Variants in ASMT observed in about 807,000 individuals in gnomAD.
The protein encoded by ASMT is acetylserotonin N-methyltransferase.
A neutral mutation model predicts 41.3 loss-of-function variants in ASMT; 53 were observed. That is an observed-to-expected ratio of 1.28 (90% CI 1.03 to 1.61). The LOEUF (loss-of-function observed/expected upper bound fraction) is 1.61. ASMT is among the 40% of genes most tolerant of loss of function. The pLI, the probability that ASMT is intolerant of heterozygous loss-of-function variation, is 0.00. For synonymous variants in ASMT, 231 were observed against 184.8 expected (o/e 1.25, Z -2.03); for missense variants, 531 against 441.3 (o/e 1.20, Z -1.82).
chrX:1,616,415 A>G (rs184810787), intron 1 of ASMT, among the ~76,000 whole-genome samples: 17,422 of 151,194 alleles, frequency 0.12, 1,453 homozygotes, highest in Middle Eastern at 0.18. Context: ...TTCGAGGTGG[A>G]AAGTGGACTG....
intron 3 of ASMT, 70 bp from the exon 4 acceptor site, chrX:1,627,633 C>CGAAACGAAAT (rs1934602242): frequency 1.7e-6 from 2 of 1,199,432 alleles, no homozygotes; most frequent in South Asian, 1.2e-5. Context: ...CGAAATGAAA[C>CGAAACGAAAT]GAAATGAAAT....
intron 2 of ASMT, among the ~76,000 whole-genome samples, chrX:1,623,988 C>T (rs1427714842): frequency 3.9e-5 from 6 of 152,186 alleles, no homozygotes; most frequent in South Asian, 4.1e-4. Flanking sequence ...ATGTAACGTA[C>T]GTTTCCTCTC....
At chrX:1,628,229 G>C (rs1402642483) in intron 4 of ASMT, among the ~76,000 whole-genome samples, 1 of 152,218 alleles carries the variant, frequency 6.6e-6, no homozygotes, top group Non-Finnish European at 1.5e-5. Flanking sequence ...GCTGAGGCAG[G>C]AGAACTGCTT....
chrX:1,617,761 G>A (rs776196094), intron 1 of ASMT, among the ~76,000 whole-genome samples: 82 of 151,684 alleles, frequency 5.4e-4, no homozygotes, highest in Admixed American at 1.4e-3. Flanking sequence ...GAGTACAGGC[G>A]CGTTCCAACA....
intron 1 of ASMT, among the ~76,000 whole-genome samples, chrX:1,620,072 G>A (rs1305272497): frequency 6.7e-6 from 1 of 150,000 alleles, no homozygotes; most frequent in Non-Finnish European, 1.5e-5. Context: ...CAGCCTGGGT[G>A]ACAGAGCCAG....
At chrX:1,627,793 C>T (rs781261251) in intron 4 of ASMT, 22 bp downstream of exon 4, 3 of 1,608,512 alleles carry the variant, frequency 1.9e-6, no homozygotes, top group East Asian at 2.2e-5. Flanking sequence ...CACTTTGAAA[C>T]CAACAACTCA....
chrX:1,625,108 CTTT>C (rs58353783), intron 3 of ASMT, among the ~76,000 whole-genome samples: 1 of 136,028 alleles, frequency 7.4e-6, no homozygotes. Flanking sequence ...TCTTTTCTTT[CTTT>C]TTTTTTTTTT....
At chrX:1,619,393 CAA>C (rs752048500) in intron 1 of ASMT, among the ~76,000 whole-genome samples, 98 of 84,580 alleles carry the variant, frequency 1.2e-3, no homozygotes, top group African/African-American at 3.1e-3. Flanking sequence ...GACCCTGTCT[CAA>C]AAAAAAAAAA....
intron 1 of ASMT, among the ~76,000 whole-genome samples, chrX:1,620,244 T>C (rs746756726): frequency 0.018 from 2,342 of 133,570 alleles, 56 homozygotes; most frequent in African/African-American, 0.063. Context: ...TGATCTCAGC[T>C]CACTGCAACC....
chrX:1,621,909 G>A (rs1320833962), intron 1 of ASMT, among the ~76,000 whole-genome samples: 3 of 151,134 alleles, frequency 2.0e-5, no homozygotes, highest in Non-Finnish European at 4.4e-5. Flanking sequence ...TGGTCAGGCT[G>A]GTCACGAACT....
chrX:1,630,007 A>C, intron 5 of ASMT, 68 bp downstream of exon 5: 1 of 1,337,132 alleles, frequency 7.5e-7, no homozygotes, highest in Non-Finnish European at 1.1e-6. Context: ...TGTGTTATTC[A>C]TGTCTTTTAT....
intron 1 of ASMT, among the ~76,000 whole-genome samples, chrX:1,617,581 T>C (rs1357584659): frequency 6.6e-6 from 1 of 151,986 alleles, no homozygotes; most frequent in Non-Finnish European, 1.5e-5. Context: ...GTGGTTTCTC[T>C]CCGTCAGCAA....
At chrX:1,632,989 A>AT (rs1175730854) in intron 6 of ASMT, 161 bp from the exon 7 acceptor site, 4 of 223,052 alleles carry the variant, frequency 1.8e-5, no homozygotes, top group Non-Finnish European at 7.3e-6. Flanking sequence ...CTGCACATGT[A>AT]CCCTAGAACT....
At chrX:1,618,990 C>A (rs1360408682) in intron 1 of ASMT, among the ~76,000 whole-genome samples, 2 of 152,186 alleles carry the variant, frequency 1.3e-5, no homozygotes, top group Non-Finnish European at 2.9e-5. Flanking sequence ...AGAGTTAATG[C>A]AGAGTTAATA....
At chrX:1,631,031 C>A (rs1488235933) in intron 5 of ASMT, among the ~76,000 whole-genome samples, 2 of 151,316 alleles carry the variant, frequency 1.3e-5, no homozygotes, top group African/African-American at 2.4e-5. Context: ...CTGCCTCAGC[C>A]TCCTGAGTAG....
chrX:1,637,158 C>G (rs1176938288), intron 8 of ASMT, among the ~76,000 whole-genome samples: 4 of 77,174 alleles, frequency 5.2e-5, no homozygotes, highest in African/African-American at 1.8e-4. Flanking sequence ...GGCACAGCCT[C>G]TGTGTATGAT....
chrX:1,628,253 G>A (rs368874422), intron 4 of ASMT, among the ~76,000 whole-genome samples: 27 of 152,134 alleles, frequency 1.8e-4, no homozygotes, highest in African/African-American at 5.1e-4. Flanking sequence ...CCCGGGAGGC[G>A]GAGGTTGCGG....
At chrX:1,629,731 C>T in intron 4 of ASMT, 90 bp from the exon 5 acceptor site, 2 of 1,188,678 alleles carry the variant, frequency 1.7e-6, no homozygotes, top group Admixed American at 1.7e-5. Context: ...TGGGGTATAG[C>T]TCCGTTCTCA....
chrX:1,634,507 A>G (rs1306375562), intron 7 of ASMT, among the ~76,000 whole-genome samples: 2 of 152,312 alleles, frequency 1.3e-5, no homozygotes, highest in Non-Finnish European at 2.9e-5. Context: ...CACTGTTAGT[A>G]CAAACTATCC....
Sources: allele counts gnomAD v4.1 joint callset (sites outside exome capture counted in the v4.1 genomes callset), GRCh38; gene constraint gnomAD v4.1.1; transcripts MANE v1.5; gene names NCBI Gene and HGNC (gene_info 2026-07-23, HGNC 2026-07-21).